NDUFB8: variants seen among roughly 807,000 people sequenced by gnomAD.
The protein encoded by NDUFB8 is NADH dehydrogenase [ubiquinone] 1 beta subcomplex subunit 8, mitochondrial.
Under a neutral mutation model 26.0 loss-of-function variants are expected in NDUFB8, and 17 were observed. That is an observed-to-expected ratio of 0.65 (90% CI 0.45 to 0.98). NDUFB8 has a LOEUF of 0.98. Among genes scored for constraint, NDUFB8 ranks in the 50% least tolerant of loss-of-function variants. NDUFB8 has a pLI of 0.00. For synonymous variants in NDUFB8, 89 were observed against 93.1 expected (o/e 0.96, Z 0.25); for missense variants, 238 against 255.0 (o/e 0.93, Z 0.45).
intron 1 of NDUFB8, 35 bp from the exon 2 acceptor site, chr10:100,529,541 C>T (rs199663533): frequency 6.2e-7 from 1 of 1,603,382 alleles, no homozygotes; most frequent in African/African-American, 1.3e-5. Flanking sequence ...AGAAGCGAGC[C>T]CGCTCTCCAG....
chr10:100,524,038 G>A lies in NDUFB8; in HGVS notation c.469-109C>T. The A allele has an allele frequency of 6.3e-7, 1 of 1,588,682 alleles. No homozygotes were observed. On this transcript the variant is annotated intron_variant, in intron 4 of 4. Transcript: ENST00000299166. This position sits in a 1 kb window ranked among gnomAD's most constrained non-coding sequence, Gnocchi z 4.0. ...GGTAAATGGGTACACAGTAGCCTCT[G>A]GTCAGACCCAGCTGGGCTAGGAAGG...
intron 1 of NDUFB8, 113 bp from the exon 2 acceptor site, chr10:100,529,619 G>A (rs1852115583): frequency 1.3e-6 from 2 of 1,556,284 alleles, no homozygotes; most frequent in African/African-American, 1.4e-5. Flanking sequence ...GGATCAGTGC[G>A]ATCCTCCACC....
At chr10:100,526,905 C>A in intron 3 of NDUFB8, 70 bp downstream of exon 3, 2 of 1,397,142 alleles carry the variant, frequency 1.4e-6, no homozygotes, top group Non-Finnish European at 2.0e-6. Context: ...CAAAGAAGTG[C>A]CATCTGAGCT....
intron 2 of NDUFB8, among the ~76,000 whole-genome samples, chr10:100,527,412 G>A (rs1852070925): frequency 6.6e-6 from 1 of 152,134 alleles, no homozygotes; most frequent in South Asian, 2.1e-4. Flanking sequence ...AGACCAGACT[G>A]GTCAACATGG....
In NDUFB8 at chr10:100,529,401, G is replaced by A. The variant is rs1589747721; in HGVS notation, c.191C>T (p.Pro64Leu). 1 of 1,612,344 alleles carries A rather than the reference G, an allele frequency of 6.2e-7. No homozygotes were observed. The highest frequency in any genetic ancestry group is 8.5e-7 in the Non-Finnish European group (1 of 1,179,430). The change falls in exon 2 of 5, where the codon CCT becomes CTT. Residue 64 changes from proline (P) to leucine (L), a missense_variant. Physicochemically the swap from Pro to Leu is moderately conservative, Grantham distance 98. Transcript: ENST00000299166. ...KYNMRVEDYE[P>L]YPDDGMGYGD... ...TCACCCCATGCCATCATCCGGGTAA[G>A]GTTCGTAGTCTTCCACACGCATATT...
At chr10:100,526,903 T>G in intron 3 of NDUFB8, 72 bp downstream of exon 3, 1 of 1,388,264 alleles carries the variant, frequency 7.2e-7, no homozygotes, top group Non-Finnish European at 1.0e-6. Flanking sequence ...GTCAAAGAAG[T>G]GCCATCTGAG....
At chr10:100,525,019 ATATT>A (rs1254131215) in intron 4 of NDUFB8, among the ~76,000 whole-genome samples, 1 of 152,134 alleles carries the variant, frequency 6.6e-6, no homozygotes, top group African/African-American at 2.4e-5. Context: ...TTACCTCACA[ATATT>A]TTTTAACACA....
intron 2 of NDUFB8, among the ~76,000 whole-genome samples, chr10:100,527,750 C>T (rs530681067): frequency 6.6e-5 from 10 of 152,314 alleles, no homozygotes; most frequent in African/African-American, 1.7e-4. Context: ...CAGTCAATGA[C>T]GGACAACATA....
chr10:100,529,308 C>G (rs1852106183), intron 2 of NDUFB8, 72 bp downstream of exon 2: 1 of 1,434,146 alleles, frequency 7.0e-7, no homozygotes, highest in Non-Finnish European at 9.2e-7. Context: ...AAAAGGGTCA[C>G]AGTCAAGCCA....
Position 100,529,829 on chromosome 10 carries a change from ACC to A in NDUFB8, c.21_22del (p.Val8LeufsTer35). The A allele has an allele frequency of 2.5e-6, 4 of 1,612,898 alleles. No homozygotes were observed. Among genetic ancestry groups the A allele is most frequent in the Non-Finnish European group, 3.4e-6 (4 of 1,179,660 alleles). The stretch of plus-strand genomic sequence containing the variant: ...CCTTTGCAGCCACTGGACTCCCAAG[ACC>A]CCGGCCCTGGCCACCGCCATCTTCA... On this transcript the variant is annotated frameshift_variant, in exon 1 of 5. Transcript: ENST00000299166. LOFTEE classifies it high-confidence loss of function.
chr10:100,526,911 G>T, intron 3 of NDUFB8, 64 bp downstream of exon 3: 1 of 1,458,486 alleles, frequency 6.9e-7, no homozygotes, highest in South Asian at 1.2e-5. Flanking sequence ...AGTGCCATCT[G>T]AGCTAAAGAA....
In NDUFB8 at chr10:100,523,773, T is replaced by C. The variant is rs1589745305; in HGVS notation, c.*64A>G. 2 of 1,454,946 alleles carry C rather than the reference T, an allele frequency of 1.4e-6. No individual in the cohort carries two copies. The highest frequency in any genetic ancestry group is 2.3e-5 in the East Asian group (1 of 44,066). 90.1% of individuals were successfully genotyped at this position (1,454,946 alleles called of 1,614,324 possible). On this transcript the variant is annotated 3_prime_UTR_variant, in exon 5 of 5. Transcript: ENST00000299166. ...CACTGAGTTTTATTAGGGATTTCATTAAGGTTAAATTTCTAGGAATGAGGG... is the reference window on the plus strand; with the variant it reads ...CACTGAGTTTTATTAGGGATTTCATCAAGGTTAAATTTCTAGGAATGAGGG...
intron 3 of NDUFB8, 132 bp from the exon 4 acceptor site, chr10:100,526,686 A>T: frequency 9.0e-7 from 1 of 1,115,654 alleles, no homozygotes; most frequent in South Asian, 1.4e-5. Flanking sequence ...GCTGAGAACC[A>T]GGTCTGAGGC....
intron 3 of NDUFB8, 83 bp from the exon 4 acceptor site, chr10:100,526,637 A>G: frequency 1.3e-6 from 2 of 1,494,224 alleles, no homozygotes; most frequent in South Asian, 1.2e-5. Flanking sequence ...AGCCTGATAC[A>G]AGGCTAGACA....
At chr10:100,529,175 C>T (rs1479888486) in intron 2 of NDUFB8, 2 of 399,892 alleles carry the variant, frequency 5.0e-6, no homozygotes, top group African/African-American at 4.2e-5. Context: ...AGGAAACAGC[C>T]TGAGCCAAGG....
Position 100,523,841 on chromosome 10 carries a change from A to C in NDUFB8, c.557T>G (p.Ile186Ser). The C allele has an allele frequency of 6.2e-7, 1 of 1,614,040 alleles. No individual in the cohort carries two copies. Among genetic ancestry groups the C allele is most frequent in the Non-Finnish European group, 8.5e-7 (1 of 1,179,946 alleles). ...KEPERVVHYEI is the reference protein window; with the variant it reads ...KEPERVVHYES ...CCAAAAGCCCACGAAGCCTCCTCAG[A>C]TCTCATAGTGAACCACCCGCTCTGG... is the stretch of plus-strand genomic sequence containing the variant. Residue 186 changes from isoleucine to serine, a missense_variant, in exon 5 of 5, where the codon ATC (isoleucine) becomes AGC (serine). Physicochemically the swap from Ile to Ser is moderately radical, Grantham distance 142. Coordinates refer to ENST00000299166, the MANE Select transcript of NDUFB8 (RefSeq NM_005004.4).
chr10:100,525,347 C>T (rs1435029851), intron 4 of NDUFB8, among the ~76,000 whole-genome samples: 1 of 151,852 alleles, frequency 6.6e-6, no homozygotes, highest in Non-Finnish European at 1.5e-5. Flanking sequence ...ACCTCTGCCT[C>T]CCAAGTTCAA....
rs753398848 is a variant in NDUFB8 at position 100,529,380 on chromosome 10, C to T, written c.212G>A (p.Gly71Glu). 6.2e-7 allele frequency: 1 copy of T among 1,607,474 alleles called. No homozygotes were observed. Among genetic ancestry groups the T allele is most frequent in the South Asian group, 1.1e-5 (1 of 90,294 alleles). ...TGCGAGCATACCCTCTCTGTCTCAC[C>T]CCATGCCATCATCCGGGTAAGGTTC... ...DYEPYPDDGM[G>E]YGDYPKLPDR... Residue 71 changes from glycine (G) to glutamate (E), a missense_variant and splice_region_variant, in exon 2 of 5, where the codon GGG becomes GAG. Gly to Glu is a moderately conservative substitution (Grantham distance 98). Transcript: ENST00000299166.
intron 2 of NDUFB8, chr10:100,529,170 A>C: frequency 9.4e-4 from 306 of 325,848 alleles, no homozygotes; most frequent in East Asian, 1.6e-3. Flanking sequence ...ATTTGAGGAA[A>C]CAGCCTGAGC....
Sources: gnomAD v4.1 joint callset for allele counts (sites outside exome capture counted in the v4.1 genomes callset) on GRCh38, gnomAD v4.1.1 for gene constraint, Gnocchi (gnomAD v3.1) non-coding constraint, MANE v1.5 for transcripts, NCBI Gene and HGNC (gene_info 2026-07-23, HGNC 2026-07-21) for gene names.